Variants in PTPRD observed in about 807,000 individuals in gnomAD.
PTPRD encodes the protein protein tyrosine phosphatase receptor type D, also known as receptor-type tyrosine-protein phosphatase delta.
PTPRD carries 34 observed loss-of-function variants against 214.5 expected under a neutral mutation model. The ratio of observed to expected loss-of-function variants is 0.16; its 90% CI spans 0.12 to 0.21. The LOEUF is 0.21. Ranked by LOEUF, PTPRD falls within the 10% of genes least tolerant of loss-of-function variation. The pLI is 1.00. For missense variants in PTPRD, 2,545 were observed against 2,398.7 expected, an observed-to-expected ratio of 1.06 and a Z score of -1.27; for synonymous variants, 1,128 against 845.7, an observed-to-expected ratio of 1.33 and a Z score of -5.79.
intron 9 of PTPRD, among the ~76,000 whole-genome samples, chr9:9,275,104 TATATTA>T (rs1569566673): frequency 1.1e-3 from 76 of 69,002 alleles, no homozygotes; most frequent in South Asian, 4.7e-3. Context: ...ATATATATAA[TATATTA>T]TATATATATT....
chr9:9,568,468 T>C (rs949752906), intron 8 of PTPRD, among the ~76,000 whole-genome samples: 1 of 151,882 alleles, frequency 6.6e-6, no homozygotes, highest in Admixed American at 6.6e-5. Flanking sequence ...GTATGTGACA[T>C]GTAATAAATA....
chr9:10,445,423 A>T (rs1299546079), intron 2 of PTPRD, among the ~76,000 whole-genome samples: 1 of 152,136 alleles, frequency 6.6e-6, no homozygotes, highest in African/African-American at 2.4e-5. Context: ...AATGAAGTAA[A>T]TGGAGGTCTA....
At chr9:9,357,585 C>G (rs748547178) in intron 9 of PTPRD, among the ~76,000 whole-genome samples, 7 of 151,024 alleles carry the variant, frequency 4.6e-5, no homozygotes, top group Non-Finnish European at 1.0e-4. Flanking sequence ...ATATAAGAAT[C>G]AGAGAGCAGT....
intron 8 of PTPRD, among the ~76,000 whole-genome samples, chr9:9,523,395 C>A (rs760045587): frequency 1.3e-5 from 2 of 151,962 alleles, no homozygotes; most frequent in Non-Finnish European, 2.9e-5. Flanking sequence ...TTAATTTATT[C>A]AAAAAGATTC....
intron 10 of PTPRD, among the ~76,000 whole-genome samples, chr9:9,176,240 A>G (rs2099924783): frequency 6.6e-6 from 1 of 152,210 alleles, no homozygotes; most frequent in Admixed American, 6.5e-5. Context: ...ATGTGATTGA[A>G]TTAATTCAGC....
At chr9:9,457,777 G>A (rs2093216124) in intron 8 of PTPRD, among the ~76,000 whole-genome samples, 1 of 151,702 alleles carries the variant, frequency 6.6e-6, no homozygotes, top group South Asian at 2.1e-4. Context: ...CAAATACAGG[G>A]GGAAGATAAG....
intron 8 of PTPRD, among the ~76,000 whole-genome samples, chr9:9,493,487 A>C (rs926445818): frequency 6.6e-6 from 1 of 152,092 alleles, no homozygotes; most frequent in Non-Finnish European, 1.5e-5. Flanking sequence ...CAGTTTTATT[A>C]TTTAAGAAAT....
At chr9:8,956,884 T>C (rs2099134277) in intron 11 of PTPRD, among the ~76,000 whole-genome samples, 1 of 151,854 alleles carries the variant, frequency 6.6e-6, no homozygotes. Flanking sequence ...TCAAGACTAA[T>C]TATTTGGGAG....
intron 11 of PTPRD, among the ~76,000 whole-genome samples, chr9:8,846,222 C>T (rs978791946): frequency 1.3e-5 from 2 of 152,096 alleles, no homozygotes; most frequent in Non-Finnish European, 2.9e-5. Flanking sequence ...ACAATACCAT[C>T]GTAAACTGTA....
intron 2 of PTPRD, among the ~76,000 whole-genome samples, chr9:10,491,835 G>T (rs1461478469): frequency 6.6e-6 from 1 of 151,850 alleles, no homozygotes; most frequent in African/African-American, 2.4e-5. Flanking sequence ...TCTACATTAG[G>T]TATTTGTTCT....
intron 5 of PTPRD, among the ~76,000 whole-genome samples, chr9:9,769,624 C>G (rs2098735905): frequency 1.3e-5 from 2 of 150,378 alleles, no homozygotes; most frequent in African/African-American, 2.4e-5. Flanking sequence ...CCGTGCCCGG[C>G]CACCAGAAGC....
chr9:10,605,195 G>A (rs1467114308), intron 2 of PTPRD, among the ~76,000 whole-genome samples: 4 of 151,714 alleles, frequency 2.6e-5, no homozygotes, highest in East Asian at 1.9e-4. Flanking sequence ...AAAAGGTACA[G>A]GAAGAATTTC....
intron 11 of PTPRD, among the ~76,000 whole-genome samples, chr9:8,880,890 T>C (rs1383358864): frequency 1.3e-5 from 2 of 152,084 alleles, no homozygotes; most frequent in Admixed American, 6.6e-5. Flanking sequence ...GCTCAAGCCA[T>C]CCTCCCACAT....
chr9:10,564,815 A>T (rs1372247740), intron 2 of PTPRD, among the ~76,000 whole-genome samples: 1 of 152,198 alleles, frequency 6.6e-6, no homozygotes, highest in Non-Finnish European at 1.5e-5. Context: ...TGAATAGACC[A>T]TAATGAATAC....
chr9:8,674,210 G>A (rs895073009), intron 12 of PTPRD, among the ~76,000 whole-genome samples: 8 of 151,892 alleles, frequency 5.3e-5, no homozygotes, highest in East Asian at 1.9e-4. Context: ...CTGTAATCCC[G>A]GCACTTTGCG....
intron 8 of PTPRD, among the ~76,000 whole-genome samples, chr9:9,537,265 G>A (rs929487293): frequency 1.3e-5 from 2 of 151,762 alleles, no homozygotes; most frequent in African/African-American, 4.8e-5. Context: ...AGAAAAAAAC[G>A]AAGTTTTAAC....
chr9:9,837,154 T>A lies in PTPRD; in HGVS notation c.-367-70303A>T, dbSNP rs547757122. Reference sequence around the variant, plus strand: ...TTAGCCAATTTTTGTGTATTAAGTATGTGTGTGGTGGTAAATTTTCAATGT... The same window carrying A: ...TTAGCCAATTTTTGTGTATTAAGTAAGTGTGTGGTGGTAAATTTTCAATGT... On this transcript the variant is annotated intron_variant, in intron 5 of 45. Coordinates refer to ENST00000381196, the MANE Select transcript of PTPRD (RefSeq NM_002839.4). Among the ~76,000 whole-genome samples the A allele has an allele frequency of 8.5e-5, 13 of 152,234 alleles. No individual in the cohort carries two copies. In the East Asian group the frequency reaches 2.3e-3, roughly 27 times the overall value.
chr9:9,630,644 C>T (rs1054758428), intron 7 of PTPRD, among the ~76,000 whole-genome samples: 4 of 152,116 alleles, frequency 2.6e-5, no homozygotes, highest in African/African-American at 2.4e-5. Flanking sequence ...AGTCAGTATG[C>T]AAAATCCGGG....
intron 7 of PTPRD, among the ~76,000 whole-genome samples, chr9:9,694,126 G>T (rs1197591705): frequency 6.6e-6 from 1 of 152,140 alleles, no homozygotes; most frequent in Non-Finnish European, 1.5e-5. Context: ...ATCTGGTGAG[G>T]TCATGTTTTC....
Sources: allele counts gnomAD v4.1 joint callset (sites outside exome capture counted in the v4.1 genomes callset), GRCh38; gene constraint gnomAD v4.1.1; transcripts MANE v1.5; gene names NCBI Gene and HGNC (gene_info 2026-07-23, HGNC 2026-07-21).